Variants in CDH18 observed in about 807,000 individuals in gnomAD.
CDH18 encodes cadherin-18.
A neutral mutation model predicts 67.9 loss-of-function variants in CDH18; 31 were observed. The observed-to-expected ratio is 0.46, with a 90% CI of 0.34 to 0.62. The LOEUF is 0.62. CDH18 is among the 20% of genes least tolerant of loss of function. The pLI is 0.01. For synonymous variants in CDH18, 362 were observed against 347.2 expected (o/e 1.04, Z -0.48); for missense variants, 890 against 975.5 (o/e 0.91, Z 1.17).
chr5:20,279,613 C>A (rs535837916), intron 1 of CDH18, among the ~76,000 whole-genome samples: 1 of 142,694 alleles, frequency 7.0e-6, no homozygotes, highest in African/African-American at 2.6e-5. Context: ...GCAGGAGAAC[C>A]GCTTGAACCT....
At position 19,571,961 on chromosome 5, in the gene CDH18, A is replaced by G. The variant is rs149845766; in HGVS notation, c.1000-129T>C. On this transcript the variant is annotated intron_variant, in intron 7 of 12. Transcript: ENST00000382275. ...AATTGAGAGAGAGATAAGTCATTCTAGCTTTGTTCTAAAACGAACTATGAA... is the reference window on the plus strand; with the variant it reads ...AATTGAGAGAGAGATAAGTCATTCTGGCTTTGTTCTAAAACGAACTATGAA... The G allele has an allele frequency of 4.6e-3, 3,327 of 729,780 alleles. 36 individuals are homozygous for G. Among genetic ancestry groups the G allele is most frequent in the Middle Eastern group, 0.031 (92 of 2,986 alleles). The allele number at this position is 729,780 out of a possible 1,614,324, so 45.2% of individuals were successfully genotyped here. A position where few individuals can be genotyped will look rare whatever the true frequency, so the allele number is the denominator to read the frequency against.
intron 5 of CDH18, among the ~76,000 whole-genome samples, chr5:19,716,854 A>C: frequency 6.6e-6 from 1 of 152,132 alleles, no homozygotes; most frequent in East Asian, 1.9e-4. Flanking sequence ...CAGCCGCTAT[A>C]TTTTATAAAT....
intron 2 of CDH18, among the ~76,000 whole-genome samples, chr5:20,250,920 A>C (rs1012973056): frequency 6.6e-6 from 1 of 152,130 alleles, no homozygotes; most frequent in African/African-American, 2.4e-5. Context: ...AAATGCATTT[A>C]GATAAAAATT....
At chr5:19,561,705 T>A (rs1386313) in intron 8 of CDH18, among the ~76,000 whole-genome samples, 1 of 152,096 alleles carries the variant, frequency 6.6e-6, no homozygotes, top group Non-Finnish European at 1.5e-5. Context: ...TGACTAAATG[T>A]GTTATAATTA....
intron 7 of CDH18, 35 bp from the exon 8 acceptor site, chr5:19,571,867 A>AAAAAAAGTCATATTATGACTTTCATT (rs753276766): frequency 6.6e-7 from 1 of 1,525,538 alleles, no homozygotes; most frequent in South Asian, 1.2e-5. Flanking sequence ...TGACTTTTAT[A>AAAAAAAGTCATATTATGACTTTCATT]AAAAAAGTCA....
intron 3 of CDH18, among the ~76,000 whole-genome samples, chr5:19,796,074 A>T (rs1376018487): frequency 6.6e-6 from 1 of 152,058 alleles, no homozygotes; most frequent in Non-Finnish European, 1.5e-5. Context: ...CAGGGACACA[A>T]GGGACAATAA....
chr5:19,707,893 T>C (rs966357042), intron 5 of CDH18, among the ~76,000 whole-genome samples: 1 of 152,242 alleles, frequency 6.6e-6, no homozygotes, highest in African/African-American at 2.4e-5. Context: ...CCTAAGGGGA[T>C]GTTTAGCTTG....
At chr5:20,318,220 G>T (rs1057507357) in intron 1 of CDH18, among the ~76,000 whole-genome samples, 1 of 152,070 alleles carries the variant, frequency 6.6e-6, no homozygotes, top group Non-Finnish European at 1.5e-5. Context: ...TAAGTCACAG[G>T]ATCTTTATTT....
chr5:19,612,675 T>G, intron 5 of CDH18, 74 bp from the exon 6 acceptor site: 1 of 1,094,444 alleles, frequency 9.1e-7, no homozygotes, highest in Non-Finnish European at 1.3e-6. Context: ...CACATACATA[T>G]TTTAAGAAAT....
At chr5:20,002,897 C>T (rs1736566325) in intron 2 of CDH18, among the ~76,000 whole-genome samples, 1 of 147,280 alleles carries the variant, frequency 6.8e-6, no homozygotes. Context: ...TTGCCGATCA[C>T]GGAATCTGTA....
chr5:20,395,981 T>A (rs1745246484), intron 1 of CDH18, among the ~76,000 whole-genome samples: 1 of 152,192 alleles, frequency 6.6e-6, no homozygotes, highest in South Asian at 2.1e-4. Flanking sequence ...ATCTCTTTCA[T>A]CTTGGCGTTC....
At chr5:19,475,533 A>AACACACACACACAC (rs143709369) in intron 12 of CDH18, among the ~76,000 whole-genome samples, 2 of 146,894 alleles carry the variant, frequency 1.4e-5, no homozygotes, top group African/African-American at 4.9e-5. Flanking sequence ...GACCATCTGC[A>AACACACACACACAC]ACACACACAC....
chr5:20,226,371 A>G (rs765525942), intron 2 of CDH18, among the ~76,000 whole-genome samples: 2 of 152,118 alleles, frequency 1.3e-5, no homozygotes, highest in Non-Finnish European at 2.9e-5. Flanking sequence ...ATACTGGGTG[A>G]TTATTATAAT....
At chr5:19,667,282 T>A (rs1353487340) in intron 5 of CDH18, among the ~76,000 whole-genome samples, 1 of 151,602 alleles carries the variant, frequency 6.6e-6, no homozygotes, top group Non-Finnish European at 1.5e-5. Context: ...TATACTTTAT[T>A]ATGTAAAATT....
At chr5:20,317,274 AAAG>A (rs1427109046) in intron 1 of CDH18, among the ~76,000 whole-genome samples, 1 of 152,104 alleles carries the variant, frequency 6.6e-6, no homozygotes, top group Non-Finnish European at 1.5e-5. Flanking sequence ...ACAGCTGTGT[AAAG>A]AAGCATTTAT....
rs1234800240 is a variant in CDH18 at position 20,095,436 on chromosome 5, AAAG to A, written c.-517-103425_-517-103423del. The stretch of plus-strand genomic sequence containing the variant: ...GAAAGAAAGAAAGAAAGAAAGAAAG[AAAG>A]AAAGAAAAGAAAGAAAGAAAGAAGA... On this transcript the variant is annotated intron_variant, in intron 2 of 14. Coordinates refer to the CDH18 transcript ENST00000507958. Among the ~76,000 whole-genome samples, 67 of 142,856 alleles carry A rather than the reference AAAG, an allele frequency of 4.7e-4. 1 individual carries two copies. Among genetic ancestry groups the A allele is most frequent in the African/African-American group, 1.7e-3 (64 of 38,294 alleles). The allele number at this position is 142,856 out of a possible 152,430, so 93.7% of individuals were successfully genotyped here. A position where few individuals can be genotyped will look rare whatever the true frequency, so the allele number is the denominator to read the frequency against.
At chr5:20,184,246 C>CA (rs1473384588) in intron 2 of CDH18, among the ~76,000 whole-genome samples, 4 of 151,812 alleles carry the variant, frequency 2.6e-5, no homozygotes, top group South Asian at 4.1e-4. Flanking sequence ...CGAGGTAAAA[C>CA]AAAAAAATAA....
chr5:19,910,001 C>T (rs1275727463), intron 2 of CDH18, among the ~76,000 whole-genome samples: 1 of 152,104 alleles, frequency 6.6e-6, no homozygotes, highest in Non-Finnish European at 1.5e-5. Flanking sequence ...TGAGTTCATT[C>T]TTGCCGTAAT....
intron 1 of CDH18, among the ~76,000 whole-genome samples, chr5:20,507,085 C>T (rs1754707742): frequency 6.6e-6 from 1 of 152,222 alleles, no homozygotes; most frequent in Non-Finnish European, 1.5e-5. Context: ...GCTGAGCTCC[C>T]AGCCATCAGC....
Sources: allele counts gnomAD v4.1 joint callset (sites outside exome capture counted in the v4.1 genomes callset), GRCh38; gene constraint gnomAD v4.1.1; transcripts MANE v1.5; gene names NCBI Gene and HGNC (gene_info 2026-07-23, HGNC 2026-07-21).